TNKS2: variants seen among roughly 807,000 people sequenced by gnomAD.
TNKS2 encodes the protein tankyrase 2.
TNKS2 carries 72 observed loss-of-function variants against 137.6 expected under a neutral mutation model. The ratio of observed to expected loss-of-function variants is 0.52; its 90% confidence interval spans 0.43 to 0.64. TNKS2 has a LOEUF of 0.64. TNKS2 is among the 30% of genes least tolerant of loss of function. TNKS2 has a pLI of 0.00. For synonymous variants in TNKS2, 516 were observed against 512.1 expected (o/e 1.01, Z -0.10); for missense variants, 1,049 against 1,410.2 (o/e 0.74, Z 4.10).
chr10:91,821,416 A>G (rs17107090), intron 6 of TNKS2, among the ~76,000 whole-genome samples: 16,438 of 152,010 alleles, frequency 0.11, 975 homozygotes, highest in East Asian at 0.19. Flanking sequence ...TGCTCAGGCA[A>G]GTGAAGAATC....
chr10:91,817,013 T>C, intron 2 of TNKS2, 121 bp from the exon 3 acceptor site: 1 of 600,410 alleles, frequency 1.7e-6, no homozygotes, highest in Admixed American at 2.9e-5. Context: ...TCTGACAAGA[T>C]ATGAAAGGTC....
intron 1 of TNKS2, among the ~76,000 whole-genome samples, chr10:91,809,073 C>G (rs1203588112): frequency 6.6e-6 from 1 of 151,982 alleles, no homozygotes; most frequent in African/African-American, 2.4e-5. Flanking sequence ...TACTCCCAAT[C>G]AAGAAAATAT....
chr10:91,809,635 C>A (rs1433749084), intron 1 of TNKS2, among the ~76,000 whole-genome samples: 1 of 150,070 alleles, frequency 6.7e-6, no homozygotes, highest in Non-Finnish European at 1.5e-5. Flanking sequence ...CACTGCAATC[C>A]GGCCTGGGCT....
chr10:91,829,488 G>A (rs1845169235), intron 9 of TNKS2, among the ~76,000 whole-genome samples: 1 of 152,158 alleles, frequency 6.6e-6, no homozygotes, highest in African/African-American at 2.4e-5. Flanking sequence ...TGCAGTAGCA[G>A]TTTCTTACAG....
At chr10:91,857,858 T>G (rs1842752484) in intron 24 of TNKS2, among the ~76,000 whole-genome samples, 1 of 152,196 alleles carries the variant, frequency 6.6e-6, no homozygotes, top group South Asian at 2.1e-4. Flanking sequence ...GAATTAAAAA[T>G]AAGACCTGGG....
At chr10:91,852,745 A>G (rs979533375) in intron 21 of TNKS2, among the ~76,000 whole-genome samples, 4 of 152,234 alleles carry the variant, frequency 2.6e-5, no homozygotes, top group Admixed American at 6.5e-5. Flanking sequence ...GGAAGAATGT[A>G]TGCTAGCCAG....
intron 13 of TNKS2, among the ~76,000 whole-genome samples, chr10:91,837,550 C>T (rs1164280035): frequency 6.6e-6 from 1 of 152,214 alleles, no homozygotes; most frequent in African/African-American, 2.4e-5. Flanking sequence ...TGTTTTGACT[C>T]TTGCTGTAGA....
intron 25 of TNKS2, among the ~76,000 whole-genome samples, chr10:91,861,179 A>C (rs1842840987): frequency 6.6e-6 from 1 of 152,164 alleles, no homozygotes; most frequent in Admixed American, 6.5e-5. Flanking sequence ...TTTCAGCTGA[A>C]GTCTGAAAAT....
At chr10:91,837,339 C>T (rs1842056496) in intron 13 of TNKS2, among the ~76,000 whole-genome samples, 1 of 152,124 alleles carries the variant, frequency 6.6e-6, no homozygotes. Context: ...ACACATAAAA[C>T]AAGAAAGGGG....
At position 91,865,172 on chromosome 10, in the gene TNKS2, A is replaced by G. The variant is rs542550017; in HGVS notation, c.*2173A>G. 2.0e-5 allele frequency: 3 copies of G among 152,214 alleles called. No homozygotes were observed. The South Asian group carries it at 6.3e-4, about 32-fold the overall frequency. 9.4% of individuals were successfully genotyped at this position (152,214 alleles called of 1,614,324 possible). On this transcript the variant is annotated 3_prime_UTR_variant, in exon 27 of 27. Coordinates refer to ENST00000371627, the MANE Select transcript of TNKS2 (RefSeq NM_025235.4). The stretch of plus-strand genomic sequence containing the variant: ...GATTTTTTTTTTTGAAGTGAAATTT[A>G]ACTTTTTGTGCAAGTAGTACTATTA...
chr10:91,860,170 T>C (rs1210774242), intron 25 of TNKS2, among the ~76,000 whole-genome samples: 1 of 152,198 alleles, frequency 6.6e-6, no homozygotes, highest in African/African-American at 2.4e-5. Context: ...ACTTTTTTTT[T>C]CCACTTTTAA....
At chr10:91,804,341 A>G (rs556771110) in intron 1 of TNKS2, among the ~76,000 whole-genome samples, 2 of 152,354 alleles carry the variant, frequency 1.3e-5, no homozygotes, top group African/African-American at 4.8e-5. Flanking sequence ...TGTGGTCAAC[A>G]AGTATACTTT....
chr10:91,817,015 T>C, intron 2 of TNKS2, 119 bp from the exon 3 acceptor site: 1 of 605,942 alleles, frequency 1.7e-6, no homozygotes, highest in Non-Finnish European at 3.0e-6. Context: ...TGACAAGATA[T>C]GAAAGGTCTT....
At chr10:91,817,320 C>T in intron 3 of TNKS2, 91 bp downstream of exon 3, 1 of 728,748 alleles carries the variant, frequency 1.4e-6, no homozygotes. Flanking sequence ...ATGACTTCAG[C>T]TAGATTTTTA....
intron 6 of TNKS2, among the ~76,000 whole-genome samples, chr10:91,821,999 A>G (rs959048665): frequency 6.6e-6 from 1 of 152,190 alleles, no homozygotes; most frequent in Non-Finnish European, 1.5e-5. Flanking sequence ...CTTGGAGCAT[A>G]AAGTGGGGTG....
At chr10:91,806,420 T>C (rs1217615786) in intron 1 of TNKS2, among the ~76,000 whole-genome samples, 2 of 152,114 alleles carry the variant, frequency 1.3e-5, no homozygotes, top group African/African-American at 2.4e-5. Context: ...AAACTACAGA[T>C]GGAAAATATG....
At chr10:91,821,076 C>T (rs1159626039) in intron 6 of TNKS2, among the ~76,000 whole-genome samples, 4 of 151,972 alleles carry the variant, frequency 2.6e-5, no homozygotes, top group Non-Finnish European at 4.4e-5. Flanking sequence ...CTTGCTCTGT[C>T]GCCCAGGCTG....
intron 15 of TNKS2, among the ~76,000 whole-genome samples, 187 bp downstream of exon 15, chr10:91,841,635 A>G (rs1267449363): frequency 1.3e-5 from 2 of 152,096 alleles, no homozygotes; most frequent in Non-Finnish European, 2.9e-5. Context: ...GTTTACTAGC[A>G]CCTAGAGTTA....
intron 23 of TNKS2, 96 bp from the exon 24 acceptor site, chr10:91,857,329 T>C: frequency 1.5e-6 from 1 of 673,978 alleles, no homozygotes; most frequent in Admixed American, 3.1e-5. Flanking sequence ...CAGTTTTGCC[T>C]ACCTTCTAGC....
Sources: allele counts gnomAD v4.1 joint callset (sites outside exome capture counted in the v4.1 genomes callset), GRCh38; gene constraint gnomAD v4.1.1; transcripts MANE v1.5; gene names NCBI Gene and HGNC (gene_info 2026-07-23, HGNC 2026-07-21).